TNR: variants seen among roughly 807,000 people sequenced by gnomAD.
TNR encodes the protein tenascin-R.
In TNR, 45 loss-of-function variants were observed where a neutral mutation model predicts 150.4. The observed-to-expected ratio is 0.30, with a 90% CI of 0.24 to 0.38. The LOEUF is 0.38. TNR is among the 10% of genes least tolerant of loss of function. TNR has a pLI of 1.00. For missense variants in TNR, 1,544 were observed against 1,759.1 expected, an observed-to-expected ratio of 0.88 and a Z score of 2.19; for synonymous variants, 687 against 678.4, an observed-to-expected ratio of 1.01 and a Z score of -0.20.
At chr1:175,578,524 A>G (rs553192072) in intron 1 of TNR, among the ~76,000 whole-genome samples, 1 of 152,168 alleles carries the variant, frequency 6.6e-6, no homozygotes, top group Non-Finnish European at 1.5e-5. Flanking sequence ...ATGGGCATAC[A>G]GAGGGGGAGC....
At chr1:175,462,325 G>A (rs538980778) in intron 2 of TNR, among the ~76,000 whole-genome samples, 7 of 152,272 alleles carry the variant, frequency 4.6e-5, no homozygotes, top group African/African-American at 1.4e-4. Context: ...GAACAATGAA[G>A]GAAACGATGA....
At chr1:175,686,415 A>G (rs1351049227) in intron 1 of TNR, among the ~76,000 whole-genome samples, 2 of 152,256 alleles carry the variant, frequency 1.3e-5, no homozygotes, top group Admixed American at 6.5e-5. Flanking sequence ...AAGACTGCGT[A>G]TAGATGAAGA....
At position 175,452,784 on chromosome 1, in the gene TNR, CA is replaced by C. The variant is rs1278848789; in HGVS notation, c.-63-46008del. Among the ~76,000 whole-genome samples, 5 of 152,196 alleles carry C rather than the reference CA, an allele frequency of 3.3e-5. No homozygotes were observed. In the East Asian group the frequency reaches 7.7e-4, roughly 24 times the overall value. ...TTGTAGCAGCATGATTCACAATAGC[CA>C]AAAGGTGGAAAAAGCTCAAATGTCC... is the stretch of plus-strand genomic sequence containing the variant. On this transcript the variant is annotated intron_variant, in intron 2 of 22. Coordinates refer to ENST00000367674, the MANE Select transcript of TNR (RefSeq NM_003285.3).
At chr1:175,561,179 TC>T (rs1189005612) in intron 1 of TNR, among the ~76,000 whole-genome samples, 2 of 152,220 alleles carry the variant, frequency 1.3e-5, no homozygotes, top group Non-Finnish European at 2.9e-5. Context: ...TTTGTATTTG[TC>T]CTTGGTTATG....
intron 1 of TNR, among the ~76,000 whole-genome samples, chr1:175,598,534 T>C (rs978807156): frequency 2.0e-5 from 3 of 152,236 alleles, no homozygotes; most frequent in Non-Finnish European, 2.9e-5. Context: ...GACGTGGGCA[T>C]GAATACATGC....
intron 1 of TNR, among the ~76,000 whole-genome samples, chr1:175,571,876 A>G (rs192863389): frequency 1.7e-4 from 26 of 152,328 alleles, no homozygotes; most frequent in African/African-American, 6.3e-4. Flanking sequence ...CAACCCTGGC[A>G]CAACCACCAG....
chr1:175,396,448 C>G, intron 5 of TNR, 96 bp downstream of exon 5: 1 of 1,446,040 alleles, frequency 6.9e-7, no homozygotes, highest in South Asian at 1.3e-5. Flanking sequence ...TTCCAGGCAT[C>G]CCTGAAGAAC....
chr1:175,331,025 C>CTTTCTTTCTTTCT (rs1649744040), intron 20 of TNR, among the ~76,000 whole-genome samples: 2 of 66,734 alleles, frequency 3.0e-5, no homozygotes, highest in African/African-American at 1.0e-4. Context: ...TTCTTTCTTT[C>CTTTCTTTCTTTCT]TTTCTTTCTT....
At chr1:175,411,987 T>C (rs1894596) in intron 2 of TNR, among the ~76,000 whole-genome samples, 58,542 of 151,920 alleles carry the variant, frequency 0.39, 11,629 homozygotes, top group East Asian at 0.54. Context: ...GCGATTGTTA[T>C]GGTTTGGGCT....
intron 1 of TNR, among the ~76,000 whole-genome samples, chr1:175,734,854 T>C (rs1332142067): frequency 3.3e-5 from 5 of 152,226 alleles, no homozygotes; most frequent in Non-Finnish European, 7.3e-5. Context: ...CTGGGCTGCG[T>C]GTGAGCGAGT....
intron 2 of TNR, among the ~76,000 whole-genome samples, chr1:175,473,527 A>T (rs538776571): frequency 6.6e-6 from 1 of 152,266 alleles, no homozygotes; most frequent in Non-Finnish European, 1.5e-5. Context: ...GGGAAAAATG[A>T]CCCAATGCAC....
At chr1:175,589,198 G>A (rs1662694964) in intron 1 of TNR, among the ~76,000 whole-genome samples, 1 of 152,084 alleles carries the variant, frequency 6.6e-6, no homozygotes, top group Non-Finnish European at 1.5e-5. Flanking sequence ...CTCAAATCTT[G>A]ACCCCATCAT....
In TNR at chr1:175,705,610, C is replaced by CGT. The variant is rs950658878; in HGVS notation, c.-165+37614_-165+37615dup. Among the ~76,000 whole-genome samples the CGT allele has an allele frequency of 9.2e-5, 14 of 151,626 alleles. No individual in the cohort carries two copies. In the South Asian group the frequency reaches 2.9e-3, roughly 32 times the overall value. ...ATGTGTGTATGTGTGTGTGTGCGTG[C>CGT]GTGTGTGTGTATTTGGCTGAAGTAG... On this transcript the variant is annotated intron_variant, in intron 1 of 22. Coordinates refer to ENST00000367674, the MANE Select transcript of TNR (RefSeq NM_003285.3).
chr1:175,488,831 G>A (rs916279940), intron 2 of TNR, among the ~76,000 whole-genome samples: 1 of 152,224 alleles, frequency 6.6e-6, no homozygotes, highest in African/African-American at 2.4e-5. Flanking sequence ...CCGAAGGGTG[G>A]ATGGGGCAAG....
intron 1 of TNR, among the ~76,000 whole-genome samples, chr1:175,565,807 G>T (rs1276192926): frequency 2.6e-5 from 4 of 152,134 alleles, no homozygotes; most frequent in Non-Finnish European, 5.9e-5. Context: ...ATAAATTATG[G>T]TGTATCATAC....
chr1:175,349,938 G>GC (rs1650978288), intron 18 of TNR, among the ~76,000 whole-genome samples: 1 of 152,212 alleles, frequency 6.6e-6, no homozygotes, highest in Non-Finnish European at 1.5e-5. Flanking sequence ...GCAGAGAGAA[G>GC]CCCTATCACC....
At chr1:175,390,301 G>A (rs1653112931) in intron 7 of TNR, among the ~76,000 whole-genome samples, 1 of 152,154 alleles carries the variant, frequency 6.6e-6, no homozygotes, top group African/African-American at 2.4e-5. Flanking sequence ...CTTAAAACTG[G>A]CTTTCTGGTA....
chr1:175,417,028 A>AAAGAAAGAAAGAAAGAAAGAAAGAAAG (rs1654507285), intron 2 of TNR, among the ~76,000 whole-genome samples: 2 of 96,000 alleles, frequency 2.1e-5, no homozygotes, highest in Admixed American at 1.1e-4. Context: ...AGAAAGAAAG[A>AAAGAAAGAAAGAAAGAAAGAAAGAAAG]AAGAAAGAAA....
chr1:175,343,136 A>T (rs1650609216), intron 18 of TNR, among the ~76,000 whole-genome samples: 1 of 152,162 alleles, frequency 6.6e-6, no homozygotes, highest in Non-Finnish European at 1.5e-5. Context: ...CCTATCTTTT[A>T]CTTGCCCAAA....
Sources: gnomAD v4.1 joint callset for allele counts (sites outside exome capture counted in the v4.1 genomes callset) on GRCh38, gnomAD v4.1.1 for gene constraint, MANE v1.5 for transcripts, NCBI Gene and HGNC (gene_info 2026-07-23, HGNC 2026-07-21) for gene names.